The following JAM3 variants were observed in gnomAD, a reference collection of about 807,000 sequenced individuals.
JAM3 encodes junctional adhesion molecule 3.
JAM3 carries 31 observed loss-of-function variants against 39.4 expected under a neutral mutation model. The observed-to-expected ratio is 0.79, with a 90% CI of 0.59 to 1.06. JAM3 has a LOEUF of 1.06. Ranked by LOEUF, JAM3 falls within the 50% of genes least tolerant of loss-of-function variation. The pLI is 0.00. For missense variants in JAM3, 455 were observed against 391.4 expected (o/e 1.16, Z -1.37); for synonymous variants, 182 against 148.7 (o/e 1.22, Z -1.63).
At chr11:134,107,820 G>A (rs949156133) in intron 1 of JAM3, among the ~76,000 whole-genome samples, 5 of 151,874 alleles carry the variant, frequency 3.3e-5, no homozygotes, top group Admixed American at 6.6e-5. Flanking sequence ...CTAATATTAC[G>A]CCACGGCACT....
At chr11:134,100,187 A>G (rs1391623281) in intron 1 of JAM3, among the ~76,000 whole-genome samples, 1 of 152,244 alleles carries the variant, frequency 6.6e-6, no homozygotes, top group East Asian at 1.9e-4. Flanking sequence ...AATAGTGGTC[A>G]GTTCCTATCT....
At chr11:134,124,949 G>T (rs569526245) in intron 1 of JAM3, among the ~76,000 whole-genome samples, 2 of 152,226 alleles carry the variant, frequency 1.3e-5, no homozygotes, top group South Asian at 4.1e-4. Context: ...CAGGAGCGAG[G>T]AGGCGCCCCT....
At chr11:134,128,174 A>C (rs997236945) in intron 1 of JAM3, among the ~76,000 whole-genome samples, 2 of 152,214 alleles carry the variant, frequency 1.3e-5, no homozygotes, top group African/African-American at 4.8e-5. Flanking sequence ...TGAGAACACA[A>C]CAGCCTGAGG....
rs764683370 is a variant in JAM3, at chr11:134,149,221, A to G, written c.*40A>G. On this transcript the variant is annotated 3_prime_UTR_variant, in exon 9 of 9. Transcript: ENST00000299106. ...CTGAGAGCGCACAGAGCGCACGTGC[A>G]CATACCTCTGCTAGAAACTCCTGTC... 1.9e-6 allele frequency: 3 copies of G among 1,613,214 alleles called. No individual in the cohort carries two copies. The highest frequency in any genetic ancestry group is 2.2e-5 in the South Asian group (2 of 91,008).
At chr11:134,132,670 G>C (rs923086138) in intron 1 of JAM3, among the ~76,000 whole-genome samples, 11 of 152,172 alleles carry the variant, frequency 7.2e-5, no homozygotes, top group African/African-American at 2.7e-4. Flanking sequence ...GAATGCTTCA[G>C]AGGTATTTCA....
At chr11:134,084,045 C>A (rs1437594173) in intron 1 of JAM3, among the ~76,000 whole-genome samples, 1 of 152,116 alleles carries the variant, frequency 6.6e-6, no homozygotes, top group Non-Finnish European at 1.5e-5. Context: ...GACTTTAATT[C>A]ATTTTTCTAC....
At chr11:134,139,249 C>G (rs1343698491) in intron 1 of JAM3, among the ~76,000 whole-genome samples, 2 of 152,198 alleles carry the variant, frequency 1.3e-5, no homozygotes, top group African/African-American at 2.4e-5. Flanking sequence ...GATATAAACT[C>G]AGCTTCGTGA....
chr11:134,145,269 C>G (rs2120875751), intron 5 of JAM3: 1 of 524,126 alleles, frequency 1.9e-6, no homozygotes, highest in South Asian at 2.1e-5. Context: ...GGATAATCAA[C>G]TGTAAAAGTC....
At chr11:134,107,919 C>G (rs1942229586) in intron 1 of JAM3, among the ~76,000 whole-genome samples, 1 of 151,596 alleles carries the variant, frequency 6.6e-6, no homozygotes, top group African/African-American at 2.4e-5. Flanking sequence ...AACACATATT[C>G]AAAGTAAGCA....
chr11:134,147,473 A>C (rs1943095859), intron 6 of JAM3, among the ~76,000 whole-genome samples: 2 of 150,952 alleles, frequency 1.3e-5, no homozygotes, highest in South Asian at 2.1e-4. Context: ...AAAAAAAAAA[A>C]AAAAACGATT....
In JAM3 at chr11:134,122,019, T is replaced by G. The variant is rs1942543469; in HGVS notation, c.77-17832T>G. 2.0e-5 allele frequency among the ~76,000 whole-genome samples: 3 copies of G among 152,264 alleles called. No individual in the cohort carries two copies. The South Asian group carries it at 6.2e-4, about 31-fold the overall frequency. The stretch of plus-strand genomic sequence containing the variant: ...TGTTGTGTTTTGAAATGGAGAATTT[T>G]GGATATACCATTATTTTTTTACTTT... On this transcript the variant is annotated intron_variant, in intron 1 of 8. Coordinates refer to ENST00000299106, the MANE Select transcript of JAM3 (RefSeq NM_032801.5).
intron 1 of JAM3, among the ~76,000 whole-genome samples, chr11:134,072,997 T>G (rs565639942): frequency 6.6e-6 from 1 of 152,360 alleles, no homozygotes; most frequent in South Asian, 2.1e-4. Context: ...TTGCATGTAC[T>G]CTCAGAATTC....
chr11:134,143,274 CATCT>C (rs1565504995), intron 3 of JAM3, among the ~76,000 whole-genome samples: 1 of 152,202 alleles, frequency 6.6e-6, no homozygotes, highest in African/African-American at 2.4e-5. Context: ...AAGTTCTAGC[CATCT>C]TAGTGGGTTG....
At chr11:134,115,712 G>T (rs1162671118) in intron 1 of JAM3, among the ~76,000 whole-genome samples, 1 of 151,728 alleles carries the variant, frequency 6.6e-6, no homozygotes, top group Non-Finnish European at 1.5e-5. Context: ...GACCAGCCTG[G>T]GTAACATGTG....
intron 1 of JAM3, among the ~76,000 whole-genome samples, chr11:134,102,260 G>C (rs1216698394): frequency 6.6e-6 from 1 of 152,166 alleles, no homozygotes; most frequent in Non-Finnish European, 1.5e-5. Flanking sequence ...ACAGGGTCTG[G>C]AGTGGACCTC....
rs1943243900 is a variant in JAM3 at position 134,151,762 on chromosome 11, T to A, written c.*2581T>A. On this transcript the variant is annotated 3_prime_UTR_variant, in exon 9 of 9. Transcript: ENST00000299106. Reference sequence around the variant, plus strand: ...GCTTCAAAAAAACCCAAACATTGCTTCATTCTTTGTTATTTGCTCTTACGT... The same window carrying A: ...GCTTCAAAAAAACCCAAACATTGCTACATTCTTTGTTATTTGCTCTTACGT... The A allele has an allele frequency of 6.6e-6, 1 of 152,198 alleles. No homozygotes were observed. The highest frequency in any genetic ancestry group is 1.5e-5 in the Non-Finnish European group (1 of 68,032). The allele number at this position is 152,198 out of a possible 1,614,324, so 9.4% of individuals were successfully genotyped here. A position where few individuals can be genotyped will look rare whatever the true frequency, so the allele number is the denominator to read the frequency against.
intron 1 of JAM3, among the ~76,000 whole-genome samples, chr11:134,128,815 A>G (rs1418055996): frequency 2.0e-5 from 3 of 152,204 alleles, no homozygotes; most frequent in African/African-American, 7.2e-5. Flanking sequence ...TATAGTGTGA[A>G]AATGGACTAA....
intron 1 of JAM3, among the ~76,000 whole-genome samples, chr11:134,091,520 G>GGATAGATA (rs71479586): frequency 0.028 from 4,208 of 150,820 alleles, 212 homozygotes; most frequent in East Asian, 0.23. Context: ...ATAGATAGAT[G>GGATAGATA]GATAGATAGA....
chr11:134,144,891 A>G lies in JAM3; in HGVS notation c.509A>G (p.His170Arg), dbSNP rs1300365318. Residue 170 changes from histidine to arginine, a missense_variant, in exon 5 of 9, where the codon CAC becomes CGC. His to Arg is a conservative substitution (Grantham distance 29). Coordinates refer to ENST00000299106, the MANE Select transcript of JAM3 (RefSeq NM_032801.5). ...GAGAGTGAGGGCCACCCCCGGCCTCACTACAGCTGGTATCGCAATGATGTA... is the reference window on the plus strand; with the variant it reads ...GAGAGTGAGGGCCACCCCCGGCCTCGCTACAGCTGGTATCGCAATGATGTA... ...CQESEGHPRP[H>R]YSWYRNDVPL... The G allele has an allele frequency of 6.2e-7, 1 of 1,614,110 alleles. No individual in the cohort carries two copies. Among genetic ancestry groups the G allele is most frequent in the African/African-American group, 1.3e-5 (1 of 74,948 alleles).
Sources: allele counts gnomAD v4.1 joint callset (sites outside exome capture counted in the v4.1 genomes callset), GRCh38; gene constraint gnomAD v4.1.1; transcripts MANE v1.5; gene names NCBI Gene and HGNC (gene_info 2026-07-23, HGNC 2026-07-21).